The following NLGN1 variants were observed in gnomAD, a reference collection of about 807,000 sequenced individuals.
NLGN1 encodes neuroligin-1.
In NLGN1, 12 loss-of-function variants were observed where a neutral mutation model predicts 65.5. That is an observed-to-expected ratio of 0.18 (90% CI 0.12 to 0.30). The LOEUF (loss-of-function observed/expected upper bound fraction) is 0.30, where lower values mean the gene tolerates loss of function less well. NLGN1 is among the 10% of genes least tolerant of loss of function. The pLI is 1.00. For synonymous variants in NLGN1, 350 were observed against 359.5 expected (o/e 0.97, Z 0.30); for missense variants, 750 against 1,007.1 (o/e 0.74, Z 3.46).
chr3:174,118,218 A>T (rs550623109), intron 4 of NLGN1, among the ~76,000 whole-genome samples: 4 of 152,236 alleles, frequency 2.6e-5, no homozygotes, highest in African/African-American at 9.6e-5. Flanking sequence ...TCATGACCCT[A>T]ATCACTTTCT....
intron 4 of NLGN1, among the ~76,000 whole-genome samples, chr3:174,092,506 A>G (rs1357384576): frequency 1.3e-5 from 2 of 150,928 alleles, no homozygotes; most frequent in Non-Finnish European, 2.9e-5. Flanking sequence ...ACAATTTGCC[A>G]TTTGGCAATT....
chr3:173,918,657 C>CAT lies in NLGN1; in HGVS notation c.646+110828_646+110829dup, dbSNP rs1387328499. On this transcript the variant is annotated intron_variant, in intron 4 of 6. Transcript: ENST00000457714. The stretch of plus-strand genomic sequence containing the variant: ...AAAAAAAAAAAAAAAAAAAGAAATA[C>CAT]ATATGTGTGTGTGTGTGTGTGTGTG... 7.7e-3 allele frequency among the ~76,000 whole-genome samples: 714 copies of CAT among 93,026 alleles called. 3 individuals are homozygous for CAT. Among genetic ancestry groups the CAT allele is most frequent in the African/African-American group, 0.029 (682 of 23,594 alleles). The allele number at this position is 93,026 out of a possible 152,430, so 61.0% of individuals were successfully genotyped here.
intron 1 of NLGN1, among the ~76,000 whole-genome samples, chr3:173,422,293 C>G (rs1230841936): frequency 2.0e-5 from 3 of 152,110 alleles, no homozygotes; most frequent in Non-Finnish European, 4.4e-5. Context: ...ATCACATGTA[C>G]TTACTCATAC....
At chr3:174,065,694 G>T (rs1408858706) in intron 4 of NLGN1, among the ~76,000 whole-genome samples, 4 of 151,384 alleles carry the variant, frequency 2.6e-5, no homozygotes, top group African/African-American at 9.7e-5. Context: ...GTGATGAAAT[G>T]TTACTTCTAA....
chr3:174,064,843 G>T (rs1488293608), intron 4 of NLGN1, among the ~76,000 whole-genome samples: 1 of 150,116 alleles, frequency 6.7e-6, no homozygotes, highest in Non-Finnish European at 1.5e-5. Context: ...TATATATATG[G>T]ATATACATTA....
intron 4 of NLGN1, among the ~76,000 whole-genome samples, chr3:174,181,673 A>C: frequency 6.6e-6 from 1 of 152,106 alleles, no homozygotes; most frequent in East Asian, 1.9e-4. Flanking sequence ...TTAAACCTGT[A>C]ATCCCAGCAT....
At chr3:174,188,449 G>A (rs926044942) in intron 4 of NLGN1, among the ~76,000 whole-genome samples, 25 of 152,114 alleles carry the variant, frequency 1.6e-4, no homozygotes, top group African/African-American at 5.1e-4. Flanking sequence ...CTTTACAGGT[G>A]TCCTCTTATT....
At chr3:174,087,208 A>G (rs1188183613) in intron 4 of NLGN1, among the ~76,000 whole-genome samples, 3 of 152,210 alleles carry the variant, frequency 2.0e-5, no homozygotes, top group South Asian at 2.1e-4. Flanking sequence ...AATCTATACA[A>G]CAAACCCCGT....
chr3:173,643,081 A>G (rs1168496372), intron 3 of NLGN1, among the ~76,000 whole-genome samples: 3 of 152,228 alleles, frequency 2.0e-5, no homozygotes, highest in African/African-American at 4.8e-5. Context: ...TCACAGAAGA[A>G]AAGAAGTGAA....
chr3:173,662,113 G>C (rs1331696006), intron 3 of NLGN1, among the ~76,000 whole-genome samples: 1 of 151,952 alleles, frequency 6.6e-6, no homozygotes, highest in Non-Finnish European at 1.5e-5. Context: ...GGATAAACAA[G>C]TTATCTTTCA....
Position 173,917,335 on chromosome 3 carries a change from A to G in NLGN1, c.646+109503A>G, listed in dbSNP as rs184017038. ...AGACACATAAGAAACTAAATTGACTATAATTTTAGACAAACCTTGTAAGTC... is the reference window on the plus strand; with the variant it reads ...AGACACATAAGAAACTAAATTGACTGTAATTTTAGACAAACCTTGTAAGTC... On this transcript the variant is annotated intron_variant, in intron 4 of 6. Transcript: ENST00000457714. Among the ~76,000 whole-genome samples the G allele has an allele frequency of 3.3e-5, 5 of 152,324 alleles. No individual in the cohort carries two copies. In the East Asian group the frequency reaches 5.8e-4, roughly 18 times the overall value.
At chr3:174,117,244 G>A (rs933098590) in intron 4 of NLGN1, among the ~76,000 whole-genome samples, 2 of 150,742 alleles carry the variant, frequency 1.3e-5, no homozygotes, top group African/African-American at 4.9e-5. Flanking sequence ...TCATGTGAAA[G>A]AATGAAGATT....
At chr3:173,493,760 A>G (rs1729555321) in intron 2 of NLGN1, among the ~76,000 whole-genome samples, 1 of 151,896 alleles carries the variant, frequency 6.6e-6, no homozygotes, top group Non-Finnish European at 1.5e-5. Context: ...GAATTTAGAT[A>G]GTCAACAACT....
intron 2 of NLGN1, among the ~76,000 whole-genome samples, chr3:173,463,051 TG>T (rs1191883299): frequency 6.6e-6 from 1 of 152,170 alleles, no homozygotes; most frequent in Non-Finnish European, 1.5e-5. Context: ...ATCTCCACCT[TG>T]TCCTAATCCC....
At chr3:173,446,310 C>T (rs1057454985) in intron 2 of NLGN1, among the ~76,000 whole-genome samples, 10 of 149,450 alleles carry the variant, frequency 6.7e-5, no homozygotes, top group East Asian at 4.1e-4. Context: ...TGAGAACATG[C>T]GGTGTTTGGT....
intron 4 of NLGN1, among the ~76,000 whole-genome samples, chr3:174,229,372 A>C (rs1740285957): frequency 6.6e-6 from 1 of 152,146 alleles, no homozygotes; most frequent in African/African-American, 2.4e-5. Context: ...GGTAGACATC[A>C]AACCTCACTC....
At chr3:174,077,701 A>C (rs976232182) in intron 4 of NLGN1, among the ~76,000 whole-genome samples, 5 of 151,996 alleles carry the variant, frequency 3.3e-5, no homozygotes, top group Admixed American at 1.3e-4. Context: ...GACTACAGGC[A>C]TGTGCCACCA....
intron 3 of NLGN1, among the ~76,000 whole-genome samples, chr3:173,694,199 A>C (rs1247716287): frequency 6.6e-6 from 1 of 152,074 alleles, no homozygotes; most frequent in Admixed American, 6.6e-5. Flanking sequence ...TTGTCTTCTG[A>C]AATAAATAAG....
At chr3:173,409,558 C>T (rs1712070337) in intron 1 of NLGN1, among the ~76,000 whole-genome samples, 1 of 152,262 alleles carries the variant, frequency 6.6e-6, no homozygotes, top group African/African-American at 2.4e-5. Context: ...TCCCCCATTT[C>T]CAACTCCTGA....
Sources: allele counts gnomAD v4.1 joint callset (sites outside exome capture counted in the v4.1 genomes callset), GRCh38; gene constraint gnomAD v4.1.1; transcripts MANE v1.5; gene names NCBI Gene and HGNC (gene_info 2026-07-23, HGNC 2026-07-21).